Variants in BAZ2B observed in about 807,000 individuals in gnomAD.
BAZ2B encodes bromodomain adjacent to zinc finger domain protein 2B.
BAZ2B carries 91 observed loss-of-function variants against 246.0 expected under a neutral mutation model. The ratio of observed to expected loss-of-function variants is 0.37; its 90% CI spans 0.31 to 0.44. BAZ2B has a LOEUF of 0.44. Among genes scored for constraint, BAZ2B ranks in the 20% least tolerant of loss-of-function variants. The probability of loss-of-function intolerance (pLI) is 1.00; values close to 1 mark genes in which losing one functional copy is unlikely to be tolerated. For missense variants in BAZ2B, 2,332 were observed against 2,533.7 expected (o/e 0.92, Z 1.71); for synonymous variants, 855 against 860.0 (o/e 0.99, Z 0.10).
At chr2:159,696,133 ATTTTT>A in the BAZ2B span, among the ~76,000 whole-genome samples, 1 of 151,996 alleles carries the variant, frequency 6.6e-6, no homozygotes, top group Admixed American at 6.6e-5. Context: ...CTCATTGCCT[ATTTTT>A]TATTTTACCT....
chr2:159,554,558 CTA>C (rs749095606), intron 2 of BAZ2B, among the ~76,000 whole-genome samples: 28 of 151,798 alleles, frequency 1.8e-4, no homozygotes, highest in African/African-American at 5.1e-4. Context: ...AAATTTCTCT[CTA>C]GTCTCTGCAA....
At chr2:159,478,940 C>G (rs1368381972) in intron 2 of BAZ2B, among the ~76,000 whole-genome samples, 1 of 152,090 alleles carries the variant, frequency 6.6e-6, no homozygotes, top group South Asian at 2.1e-4. Context: ...TTTTCTTATA[C>G]CCCCCAAATT....
rs376346498 is a variant in BAZ2B, at chr2:159,349,731, G to A, written c.4840C>T (p.Pro1614Ser). ...SSAQNPVGLN[P>S]FALSPLQVKG... ...ACCTGAAGAGGTGATAAAGCAAATG[G>A]ATTTAAGCCAACAGGATTCTGAGCA... is the stretch of plus-strand genomic sequence containing the variant. Residue 1614 changes from proline (P) to serine (S), a missense_variant, in exon 28 of 37, where the codon CCA becomes TCA. This residue lies in a region of BAZ2B where 676 missense variants were observed against 668.6 expected (regional missense o/e 1.01). Coordinates refer to ENST00000392783, the MANE Select transcript of BAZ2B (RefSeq NM_013450.4). 4.9e-5 allele frequency: 79 copies of A among 1,613,648 alleles called. No individual in the cohort carries two copies. The highest frequency in any genetic ancestry group is 5.8e-5 in the Non-Finnish European group (68 of 1,179,848).
chr2:159,342,267 T>A (rs535906918), intron 31 of BAZ2B, among the ~76,000 whole-genome samples: 1 of 152,178 alleles, frequency 6.6e-6, no homozygotes, highest in Non-Finnish European at 1.5e-5. Context: ...ACAGATTCAA[T>A]GCTATTCCTA....
the BAZ2B span, among the ~76,000 whole-genome samples, chr2:159,645,653 C>T: frequency 6.6e-6 from 1 of 152,042 alleles, no homozygotes; most frequent in Middle Eastern, 3.4e-3. Context: ...AATCTGCCCC[C>T]GATAGTCACG....
At chr2:159,545,055 T>G (rs1229902586) in intron 2 of BAZ2B, among the ~76,000 whole-genome samples, 2 of 152,236 alleles carry the variant, frequency 1.3e-5, no homozygotes, top group Non-Finnish European at 2.9e-5. Flanking sequence ...CTTGCTATAT[T>G]ATTCGAGAGG....
chr2:159,544,900 C>A (rs531667836), intron 2 of BAZ2B, among the ~76,000 whole-genome samples: 2 of 152,122 alleles, frequency 1.3e-5, no homozygotes, highest in Non-Finnish European at 2.9e-5. Flanking sequence ...GACAAGGCTA[C>A]ATTTAAATGG....
the BAZ2B span, among the ~76,000 whole-genome samples, chr2:159,667,054 C>A: frequency 6.6e-6 from 1 of 151,530 alleles, no homozygotes; most frequent in Non-Finnish European, 1.5e-5. Flanking sequence ...ATGTAACAAA[C>A]CTGCACGTTC....
the BAZ2B span, among the ~76,000 whole-genome samples, chr2:159,636,348 A>C: frequency 3.9e-5 from 6 of 152,330 alleles, no homozygotes; most frequent in Middle Eastern, 3.4e-3. Context: ...CATGGAGAGA[A>C]ACTCTCACCA....
the BAZ2B span, chr2:159,689,526 C>T: frequency 8.5e-6 from 2 of 235,064 alleles, no homozygotes; most frequent in Non-Finnish European, 8.2e-6. Flanking sequence ...TGCACACCAC[C>T]ACACCCGGCT....
At chr2:159,431,315 G>A (rs918610419) in intron 9 of BAZ2B, among the ~76,000 whole-genome samples, 159 bp from the exon 10 acceptor site, 6 of 152,176 alleles carry the variant, frequency 3.9e-5, no homozygotes, top group Non-Finnish European at 7.4e-5. Context: ...TTTGAGAACA[G>A]TGTATTTAGG....
At chr2:159,604,578 G>A (rs1244198654) in intron 1 of BAZ2B, among the ~76,000 whole-genome samples, 8 of 152,224 alleles carry the variant, frequency 5.3e-5, no homozygotes, top group Middle Eastern at 3.4e-3. Flanking sequence ...AATAAAATTA[G>A]TATTTTTTCA....
intron 2 of BAZ2B, among the ~76,000 whole-genome samples, chr2:159,514,953 C>A (rs1234655457): frequency 6.6e-6 from 1 of 151,952 alleles, no homozygotes; most frequent in Non-Finnish European, 1.5e-5. Context: ...TAATTTATAT[C>A]AAAAATTACT....
chr2:159,397,213 T>C, intron 19 of BAZ2B, 132 bp downstream of exon 19: 1 of 1,264,580 alleles, frequency 7.9e-7, no homozygotes, highest in Non-Finnish European at 1.1e-6. Flanking sequence ...AAACTGTAGG[T>C]TGAAGGAAAA....
intron 2 of BAZ2B, among the ~76,000 whole-genome samples, chr2:159,545,755 T>G (rs2087243690): frequency 6.6e-6 from 1 of 152,288 alleles, no homozygotes; most frequent in African/African-American, 2.4e-5. Flanking sequence ...GTAAAACAAC[T>G]GAACACATAA....
chr2:159,549,306 T>A (rs1336765023), intron 2 of BAZ2B, among the ~76,000 whole-genome samples: 1 of 151,814 alleles, frequency 6.6e-6, no homozygotes, highest in African/African-American at 2.4e-5. Context: ...AACAAACAAC[T>A]AAAACTAAAA....
intron 27 of BAZ2B, among the ~76,000 whole-genome samples, chr2:159,354,119 T>C (rs1223663921): frequency 2.0e-5 from 3 of 152,294 alleles, no homozygotes; most frequent in South Asian, 2.1e-4. Context: ...AGATAATGTA[T>C]TAGTTAGTAG....
Position 159,405,126 on chromosome 2 carries a change from A to G in BAZ2B, c.2678-12T>C, listed in dbSNP as rs370637780. 1.2e-6 allele frequency: 2 copies of G among 1,612,376 alleles called. No homozygotes were observed. Among genetic ancestry groups the G allele is most frequent in the Non-Finnish European group, 1.7e-6 (2 of 1,178,972 alleles). ...TTGCCTGGCTATTTCTGAAAAACACAAAATTTCAAAGAATATTAACAACTT... is the reference window on the plus strand; with the variant it reads ...TTGCCTGGCTATTTCTGAAAAACACGAAATTTCAAAGAATATTAACAACTT... On this transcript the variant is annotated splice_polypyrimidine_tract_variant and intron_variant, in intron 14 of 36. Transcript: ENST00000392783.
At chr2:159,443,519 A>T (rs373270302) in intron 6 of BAZ2B, among the ~76,000 whole-genome samples, 1 of 152,280 alleles carries the variant, frequency 6.6e-6, no homozygotes, top group Admixed American at 6.5e-5. Flanking sequence ...AACTGAAGAA[A>T]TACTGGGTGA....
Sources: allele counts gnomAD v4.1 joint callset (sites outside exome capture counted in the v4.1 genomes callset), GRCh38; gene constraint gnomAD v4.1.1; regional missense constraint gnomAD v4.1.1; transcripts MANE v1.5; gene names NCBI Gene and HGNC (gene_info 2026-07-23, HGNC 2026-07-21).